MPV17L: variants seen among roughly 807,000 people sequenced by gnomAD.
MPV17L encodes MPV17 mitochondrial inner membrane protein like.
MPV17L carries 24 observed loss-of-function variants against 25.8 expected under a neutral mutation model. The ratio of observed to expected loss-of-function variants is 0.93; its 90% CI spans 0.67 to 1.31. The LOEUF is 1.31. Ranked by LOEUF, MPV17L falls within the 50% of genes most tolerant of loss-of-function variation. MPV17L has a pLI of 0.00. For synonymous variants in MPV17L, 102 were observed against 115.3 expected (o/e 0.88, Z 0.74); for missense variants, 250 against 265.6 (o/e 0.94, Z 0.41).
chr16:15,408,004 C>T lies in MPV17L; in HGVS notation c.483C>T (p.Ala161=). 6.2e-7 allele frequency: 1 copy of T among 1,613,832 alleles called. No individual in the cohort carries two copies. The highest frequency in any genetic ancestry group is 8.5e-7 in the Non-Finnish European group (1 of 1,179,984). ...CTGGAGTCTGTGGTTTTCTCTGGGC[C>T]ACCTTCATCTGTTTTTCCCAGCAGA... ...AYAGVCGFLW[A]TFICFSQQSG... is the part of the protein sequence containing the mutation. Residue 161 remains alanine (A), a synonymous_variant, in exon 4 of 4, where the codon GCC becomes GCT. Coordinates refer to ENST00000396385, the MANE Select transcript of MPV17L (RefSeq NM_001128423.2).
chr16:15,395,896 A>T lies in MPV17L; in HGVS notation c.-2A>T. ...CTGATCGCGGGCGCCCACAGCGCGG[A>T]CATGGCGGGCTGGTGGCCGGCGTTG... On this transcript the variant is annotated 5_prime_UTR_variant, in exon 1 of 4. Transcript: ENST00000396385. The T allele has an allele frequency of 7.1e-7, 1 of 1,400,312 alleles. No homozygotes were observed. Among genetic ancestry groups the T allele is most frequent in the Non-Finnish European group, 9.2e-7 (1 of 1,090,002 alleles). The allele number at this position is 1,400,312 out of a possible 1,614,324, so 86.7% of individuals were successfully genotyped here.
Position 15,413,220 on chromosome 16 carries a change from A to G in MPV17L, c.*5108A>G, listed in dbSNP as rs986287332. On this transcript the variant is annotated 3_prime_UTR_variant, in exon 4 of 4. Coordinates refer to ENST00000396385, the MANE Select transcript of MPV17L (RefSeq NM_001128423.2). The stretch of plus-strand genomic sequence containing the variant: ...GGCTACATTTAATCCACTTTCACCC[A>G]TAAGGTTTAGCATCTAAAAAAATTA... 3.3e-5 allele frequency: 5 copies of G among 152,224 alleles called. 1 individual carries two copies. The South Asian group carries it at 6.2e-4, about 19-fold the overall frequency. The allele number at this position is 152,224 out of a possible 1,614,324, so 9.4% of individuals were successfully genotyped here. A position where few individuals can be genotyped will look rare whatever the true frequency, so the allele number is the denominator to read the frequency against.
rs1050427517 is a variant in MPV17L at position 15,412,584 on chromosome 16, T to TA, written c.*4472_*4473insA. 2.6e-5 allele frequency: 4 copies of TA among 151,798 alleles called. No homozygotes were observed. The highest frequency in any genetic ancestry group is 9.7e-5 in the African/African-American group (4 of 41,330). The allele number at this position is 151,798 out of a possible 1,614,324, so 9.4% of individuals were successfully genotyped here. A position where few individuals can be genotyped will look rare whatever the true frequency, so the allele number is the denominator to read the frequency against. On this transcript the variant is annotated 3_prime_UTR_variant, in exon 4 of 4. Transcript: ENST00000396385. The stretch of plus-strand genomic sequence containing the variant: ...AGATTATCTGGAACTGCAATTTTTT[T>TA]TTTTTTTTTGAGACAGAGTTTCGCT...
At chr16:15,405,860 C>A (rs373658657) in intron 2 of MPV17L, among the ~76,000 whole-genome samples, 2 of 150,906 alleles carry the variant, frequency 1.3e-5, no homozygotes, top group Non-Finnish European at 2.9e-5. Context: ...ACAACAAGAG[C>A]GAAACTCCGT....
At chr16:15,400,981 A>G (rs544994197) in intron 2 of MPV17L, 124 bp downstream of exon 2, 1 of 526,720 alleles carries the variant, frequency 1.9e-6, no homozygotes, top group Non-Finnish European at 2.8e-6. Flanking sequence ...ATTGACACAT[A>G]TAAGTACATA....
Position 15,395,979 on chromosome 16 carries a change from G to C in MPV17L, c.82G>C (p.Val28Leu). Reference sequence around the variant, plus strand: ...CAACGTGCTGCTTTACGGCTCGCTCGTCTCGGCCGGGGACGCGCTGCAACA... The same window carrying C: ...CAACGTGCTGCTTTACGGCTCGCTCCTCTCGGCCGGGGACGCGCTGCAACA... ...PTNVLLYGSL[V>L]SAGDALQQRL... The change falls in exon 1 of 4, where the codon GTC (valine) becomes CTC (leucine). Residue 28 changes from valine to leucine, a missense_variant. Transcript: ENST00000396385. 1 of 1,512,422 alleles carries C rather than the reference G, an allele frequency of 6.6e-7. No individual in the cohort carries two copies. Among genetic ancestry groups the C allele is most frequent in the South Asian group, 1.2e-5 (1 of 80,400 alleles). The allele number at this position is 1,512,422 out of a possible 1,614,324, so 93.7% of individuals were successfully genotyped here.
chr16:15,396,053 C>T lies in MPV17L; in HGVS notation c.156C>T (p.Ala52=). Residue 52 remains alanine (A), a synonymous_variant, in exon 1 of 4, where the codon GCC becomes GCT. Coordinates refer to ENST00000396385, the MANE Select transcript of MPV17L (RefSeq NM_001128423.2). The part of the protein sequence containing the change: ...EANWRQTRRV[A]TLVVTFHANF... ...ACTGGCGCCAGACGCGGCGCGTGGC[C>T]ACGTTGGTGGTGACCTTCCACGCCA... The T allele has an allele frequency of 1.3e-6, 2 of 1,538,200 alleles. No individual in the cohort carries two copies. Among genetic ancestry groups the T allele is most frequent in the Non-Finnish European group, 1.7e-6 (2 of 1,146,196 alleles).
chr16:15,402,429 C>T (rs2050646057), intron 2 of MPV17L, among the ~76,000 whole-genome samples: 1 of 152,154 alleles, frequency 6.6e-6, no homozygotes, highest in Non-Finnish European at 1.5e-5. Context: ...CAGCTATTAC[C>T]TCCACAGCTT....
intron 1 of MPV17L, 51 bp from the exon 2 acceptor site, chr16:15,400,736 A>G: frequency 1.5e-6 from 2 of 1,304,174 alleles, no homozygotes; most frequent in South Asian, 1.6e-5. Context: ...ATGAACTGTT[A>G]TACGGTACTC....
rs1315700263 is a variant in MPV17L at position 15,410,800 on chromosome 16, G to A, written c.*2688G>A. ...GTGGATAATTTACCTGAATGTAAAA[G>A]GCATTAATATATTTTACATTATTGG... On this transcript the variant is annotated 3_prime_UTR_variant, in exon 4 of 4. Coordinates refer to ENST00000396385, the MANE Select transcript of MPV17L (RefSeq NM_001128423.2). The A allele has an allele frequency of 6.6e-6, 1 of 152,114 alleles. No homozygotes were observed. Among genetic ancestry groups the A allele is most frequent in the Non-Finnish European group, 1.5e-5 (1 of 68,022 alleles). The allele number at this position is 152,114 out of a possible 1,614,324, so 9.4% of individuals were successfully genotyped here. A position where few individuals can be genotyped will look rare whatever the true frequency, so the allele number is the denominator to read the frequency against.
Position 15,396,162 on chromosome 16 carries a change from G to A in MPV17L, c.265G>A (p.Asp89Asn). The A allele has an allele frequency of 6.4e-7, 1 of 1,550,414 alleles. No homozygotes were observed. The highest frequency in any genetic ancestry group is 8.7e-7 in the Non-Finnish European group (1 of 1,147,854). The change falls in exon 1 of 4, where the codon GAC becomes AAC. Residue 89 changes from aspartate to asparagine, a missense_variant. Physicochemically the swap from Asp to Asn is conservative, Grantham distance 23 (BLOSUM62 1). Transcript: ENST00000396385. ...CGCCCTGCTGGCCAAGTTGCTGTGC[G>A]ACCAGGTGGTCGGTGCGCCCATCGC... ...PHALLAKLLC[D>N]QVVGAPIAVS... is the part of the protein sequence containing the mutation.
intron 2 of MPV17L, among the ~76,000 whole-genome samples, chr16:15,403,488 C>T (rs2050656625): frequency 1.3e-5 from 2 of 151,262 alleles, no homozygotes; most frequent in Admixed American, 1.3e-4. Flanking sequence ...GCCTGCGCAA[C>T]CATAGTGAGA....
Position 15,396,153 on chromosome 16 carries a change from T to A in MPV17L, c.256T>A (p.Leu86Met). ...AGCGCCGCACGCCCTGCTGGCCAAG[T>A]TGCTGTGCGACCAGGTGGTCGGTGC... ...GRAPHALLAK[L>M]LCDQVVGAPI... The change falls in exon 1 of 4, where the codon TTG becomes ATG. Residue 86 changes from leucine to methionine, a missense_variant. Physicochemically the swap from Leu to Met is conservative, Grantham distance 15. Transcript: ENST00000396385. The A allele has an allele frequency of 6.5e-7, 1 of 1,549,956 alleles. No homozygotes were observed. The highest frequency in any genetic ancestry group is 8.7e-7 in the Non-Finnish European group (1 of 1,147,660).
chr16:15,401,004 T>G (rs1186479022), intron 2 of MPV17L, 147 bp downstream of exon 2: 2 of 380,860 alleles, frequency 5.3e-6, no homozygotes, highest in African/African-American at 4.4e-5. Flanking sequence ...TTCATATACA[T>G]GTGATAATTT....
At chr16:15,405,260 A>G (rs6498550) in intron 2 of MPV17L, among the ~76,000 whole-genome samples, 151,191 of 151,936 alleles carry the variant, frequency 1, 75,228 homozygotes, top group Middle Eastern at 1. Flanking sequence ...AGCCATGGCC[A>G]GGCACAGTGG....
chr16:15,396,133 C>G lies in MPV17L; in HGVS notation c.236C>G (p.Pro79Arg), dbSNP rs747824405. The change falls in exon 1 of 4, where the codon CCG becomes CGG. Residue 79 changes from proline (P) to arginine (R), a missense_variant. Coordinates refer to ENST00000396385, the MANE Select transcript of MPV17L (RefSeq NM_001128423.2). ...LLERALPGRA[P>R]HALLAKLLCD... ...GAGCGCGCGCTCCCGGGCCGAGCGC[C>G]GCACGCCCTGCTGGCCAAGTTGCTG... is the stretch of plus-strand genomic sequence containing the variant. 1.4e-5 allele frequency: 21 copies of G among 1,547,738 alleles called. No individual in the cohort carries two copies. The highest frequency in any genetic ancestry group is 1.7e-4 in the Middle Eastern group (1 of 5,858).
intron 1 of MPV17L, among the ~76,000 whole-genome samples, chr16:15,400,545 TG>T (rs892617611): frequency 6.6e-6 from 1 of 151,948 alleles, no homozygotes; most frequent in African/African-American, 2.4e-5. Context: ...GATGAGGTTT[TG>T]CCCTGTTGCC....
chr16:15,407,874 A>T (rs755460574), intron 3 of MPV17L, 21 bp downstream of exon 3: 8 of 1,613,342 alleles, frequency 5.0e-6, no homozygotes, highest in Non-Finnish European at 6.8e-6. Flanking sequence ...CCTACTCAGT[A>T]ATATGAACTC....
In MPV17L at chr16:15,409,458, T is replaced by A. The variant is rs1415119196; in HGVS notation, c.*1346T>A. 6.6e-6 allele frequency: 1 copy of A among 152,132 alleles called. No homozygotes were observed. Among genetic ancestry groups the A allele is most frequent in the African/African-American group, 2.4e-5 (1 of 41,428 alleles). 9.4% of individuals were successfully genotyped at this position (152,132 alleles called of 1,614,324 possible). On this transcript the variant is annotated 3_prime_UTR_variant, in exon 4 of 4. Transcript: ENST00000396385. ...TATGTTACTGCCCCACCCTAACTGATCAATGTACTTTGTAATCCTCCCACC... is the reference window on the plus strand; with the variant it reads ...TATGTTACTGCCCCACCCTAACTGAACAATGTACTTTGTAATCCTCCCACC...
Sources: allele counts gnomAD v4.1 joint callset (sites outside exome capture counted in the v4.1 genomes callset), GRCh38; gene constraint gnomAD v4.1.1; transcripts MANE v1.5; gene names NCBI Gene and HGNC (gene_info 2026-07-23, HGNC 2026-07-21).